Variants in CDC123 observed in about 807,000 individuals in gnomAD.
The protein encoded by CDC123 is translation initiation factor eIF2 assembly protein.
CDC123 carries 37 observed loss-of-function variants against 54.4 expected under a neutral mutation model. The observed-to-expected ratio is 0.68, with a 90% confidence interval of 0.52 to 0.89. The LOEUF (loss-of-function observed/expected upper bound fraction) is 0.89. CDC123 is among the 40% of genes least tolerant of loss of function. CDC123 has a pLI of 0.00. For synonymous variants in CDC123, 144 were observed against 136.8 expected (o/e 1.05, Z -0.37); for missense variants, 361 against 412.1 (o/e 0.88, Z 1.07).
chr10:12,221,091 CAT>C (rs1407491917), intron 6 of CDC123, among the ~76,000 whole-genome samples: 1 of 149,566 alleles, frequency 6.7e-6, no homozygotes, highest in African/African-American at 2.5e-5. Flanking sequence ...ATTTATATAA[CAT>C]AAAAATGAGA....
At chr10:12,210,383 C>T in intron 4 of CDC123, 61 bp downstream of exon 4, 1 of 1,601,774 alleles carries the variant, frequency 6.2e-7, no homozygotes, top group Non-Finnish European at 8.5e-7. Flanking sequence ...GGGTTAGCGT[C>T]AAGGTTTAAG....
Position 12,233,315 on chromosome 10 carries a change from ACT to A in CDC123, c.490-1728_490-1727del, listed in dbSNP as rs1554749116. 5.9e-4 allele frequency among the ~76,000 whole-genome samples: 74 copies of A among 125,958 alleles called. 1 individual carries two copies. The East Asian group carries it at 0.013, about 23-fold the overall frequency. 82.6% of individuals were successfully genotyped at this position (125,958 alleles called of 152,430 possible). The stretch of plus-strand genomic sequence containing the variant: ...CACACACACACACACACACACACAC[ACT>A]CTCTGTCTCTTTATAGATACTTACA... On this transcript the variant is annotated intron_variant, in intron 7 of 12. Coordinates refer to ENST00000281141, the MANE Select transcript of CDC123 (RefSeq NM_006023.3).
intron 6 of CDC123, among the ~76,000 whole-genome samples, chr10:12,219,690 GT>G (rs56171325): frequency 3.5e-5 from 5 of 144,538 alleles, no homozygotes; most frequent in Non-Finnish European, 6.0e-5. Context: ...ACTGATAATG[GT>G]TTTTTTTTTT....
intron 7 of CDC123, among the ~76,000 whole-genome samples, chr10:12,233,460 G>T (rs1045637655): frequency 6.6e-6 from 1 of 152,158 alleles, no homozygotes; most frequent in African/African-American, 2.4e-5. Context: ...TCTGTGTTTT[G>T]TGAAAATCAA....
intron 4 of CDC123, among the ~76,000 whole-genome samples, chr10:12,213,807 A>G (rs933408717): frequency 2.6e-5 from 4 of 152,226 alleles, no homozygotes; most frequent in Non-Finnish European, 5.9e-5. Flanking sequence ...TAGATCAGGA[A>G]TATTGAAATG....
At chr10:12,235,646 G>A (rs1835969417) in intron 8 of CDC123, among the ~76,000 whole-genome samples, 2 of 152,116 alleles carry the variant, frequency 1.3e-5, no homozygotes, top group African/African-American at 4.8e-5. Flanking sequence ...AAGATAATTT[G>A]TTCTTTATTT....
At chr10:12,212,704 A>G (rs1835618690) in intron 4 of CDC123, among the ~76,000 whole-genome samples, 1 of 152,188 alleles carries the variant, frequency 6.6e-6, no homozygotes, top group Admixed American at 6.5e-5. Flanking sequence ...CTCATGTGAC[A>G]GGTACAGCCA....
intron 1 of CDC123, among the ~76,000 whole-genome samples, chr10:12,197,796 TA>T (rs1294457163): frequency 2.0e-5 from 3 of 152,214 alleles, no homozygotes; most frequent in African/African-American, 7.2e-5. Flanking sequence ...TTTATTTATT[TA>T]AAAATAAATA....
intron 4 of CDC123, among the ~76,000 whole-genome samples, chr10:12,214,179 A>C (rs1835636289): frequency 6.6e-6 from 1 of 152,332 alleles, no homozygotes; most frequent in South Asian, 2.1e-4. Context: ...TAATCCTTAG[A>C]TGTCAAGCTT....
intron 2 of CDC123, among the ~76,000 whole-genome samples, chr10:12,203,169 C>G (rs1835466073): frequency 1.3e-5 from 2 of 152,364 alleles, no homozygotes; most frequent in South Asian, 4.1e-4. Context: ...TCCGGAAGCT[C>G]TTTGTACTTC....
At chr10:12,218,041 A>G (rs889808013) in intron 6 of CDC123, among the ~76,000 whole-genome samples, 2 of 152,126 alleles carry the variant, frequency 1.3e-5, no homozygotes, top group Admixed American at 6.5e-5. Context: ...GTGAGCCGAG[A>G]TTGCGTGCCA....
Position 12,250,374 on chromosome 10 carries a change from C to T in CDC123, c.*37C>T, listed in dbSNP as rs1323932299. 1.9e-6 allele frequency: 3 copies of T among 1,551,162 alleles called. No individual in the cohort carries two copies. The highest frequency in any genetic ancestry group is 2.7e-6 in the Non-Finnish European group (3 of 1,123,356). Reference sequence around the variant, plus strand: ...GAACTGGAGAAGAGGAGGCCCCGCCCCACCGCTCCGGGAGCTGCTCATCAG... The same window carrying T: ...GAACTGGAGAAGAGGAGGCCCCGCCTCACCGCTCCGGGAGCTGCTCATCAG... On this transcript the variant is annotated 3_prime_UTR_variant, in exon 13 of 13. Coordinates refer to ENST00000281141, the MANE Select transcript of CDC123 (RefSeq NM_006023.3).
chr10:12,237,501 C>G (rs933716948), intron 9 of CDC123: 2 of 221,454 alleles, frequency 9.0e-6, no homozygotes, highest in Admixed American at 6.0e-5. Context: ...GTGGTGCGAT[C>G]GCGGCTCGTG....
intron 2 of CDC123, among the ~76,000 whole-genome samples, chr10:12,206,762 T>G (rs184311049): frequency 2.0e-4 from 30 of 152,006 alleles, no homozygotes; most frequent in East Asian, 5.8e-4. Context: ...ATCGAGACCA[T>G]CCTGGCCAAC....
At chr10:12,241,206 G>A (rs541839111) in intron 10 of CDC123, among the ~76,000 whole-genome samples, 19 of 152,038 alleles carry the variant, frequency 1.2e-4, no homozygotes, top group Admixed American at 9.8e-4. Context: ...TTTAAGGGTC[G>A]TTTCTGTGAA....
intron 6 of CDC123, among the ~76,000 whole-genome samples, chr10:12,225,431 G>A (rs758353317): frequency 3.3e-5 from 5 of 152,040 alleles, no homozygotes; most frequent in Admixed American, 6.6e-5. Flanking sequence ...AAGAAAATAT[G>A]TGTCTAGTCC....
At position 12,223,112 on chromosome 10, in the gene CDC123, T is replaced by C. The variant is rs904298477; in HGVS notation, c.440+5645T>C. Reference sequence around the variant, plus strand: ...GGTTTCACCGTATTAGCCAGGATGGTCTCAATCTCCTGACCTCATGATCCG... The same window carrying C: ...GGTTTCACCGTATTAGCCAGGATGGCCTCAATCTCCTGACCTCATGATCCG... On this transcript the variant is annotated intron_variant, in intron 6 of 12. Coordinates refer to ENST00000281141, the MANE Select transcript of CDC123 (RefSeq NM_006023.3). Among the ~76,000 whole-genome samples, 3 of 151,562 alleles carry C rather than the reference T, an allele frequency of 2.0e-5. No individual in the cohort carries two copies. In the South Asian group the frequency reaches 6.2e-4, roughly 32 times the overall value.
intron 6 of CDC123, among the ~76,000 whole-genome samples, chr10:12,228,503 T>C (rs955610147): frequency 2.0e-5 from 3 of 151,978 alleles, no homozygotes; most frequent in African/African-American, 7.3e-5. Context: ...CCTCCTGGAT[T>C]CAAGCAGTTC....
chr10:12,216,143 A>T lies in CDC123; in HGVS notation c.333+308A>T, dbSNP rs554690447. ...TTCAGCTGTTCAGTTTAACAGAGAA[A>T]TTTTTCTTTGTTGAAAAGTAATAAA... is the stretch of plus-strand genomic sequence containing the variant. On this transcript the variant is annotated intron_variant, in intron 5 of 12. Transcript: ENST00000281141. 2.6e-5 allele frequency among the ~76,000 whole-genome samples: 4 copies of T among 152,274 alleles called. No homozygotes were observed. In the South Asian group the frequency reaches 6.2e-4, roughly 24 times the overall value.
Sources: allele counts gnomAD v4.1 joint callset (sites outside exome capture counted in the v4.1 genomes callset), GRCh38; gene constraint gnomAD v4.1.1; transcripts MANE v1.5; gene names NCBI Gene and HGNC (gene_info 2026-07-23, HGNC 2026-07-21).